Variants in CUX2 observed in about 807,000 individuals in gnomAD.
CUX2 encodes the protein cut like homeobox 2.
CUX2 carries 40 observed loss-of-function variants against 144.8 expected under a neutral mutation model. The observed-to-expected ratio is 0.28, with a 90% CI of 0.21 to 0.36. The LOEUF (loss-of-function observed/expected upper bound fraction) is 0.36. CUX2 is among the 10% of genes least tolerant of loss of function. The pLI is 1.00. For missense variants in CUX2, 1,615 were observed against 1,994.0 expected, an observed-to-expected ratio of 0.81 and a Z score of 3.62; for synonymous variants, 827 against 875.6, an observed-to-expected ratio of 0.94 and a Z score of 0.98.
At chr12:111,301,773 G>A (rs1484306530) in intron 9 of CUX2, among the ~76,000 whole-genome samples, 2 of 152,196 alleles carry the variant, frequency 1.3e-5, no homozygotes, top group Admixed American at 6.5e-5. Context: ...TTATAGGCAT[G>A]AGCCACCATG....
intron 1 of CUX2, among the ~76,000 whole-genome samples, chr12:111,166,658 T>G (rs1008399601): frequency 6.6e-6 from 1 of 152,192 alleles, no homozygotes; most frequent in Non-Finnish European, 1.5e-5. Context: ...GCATTTTGAC[T>G]GTAGAGTCTG....
At chr12:111,213,394 G>A (rs1157404761) in intron 1 of CUX2, among the ~76,000 whole-genome samples, 6 of 152,200 alleles carry the variant, frequency 3.9e-5, no homozygotes, top group African/African-American at 1.4e-4. Flanking sequence ...ACGACCAGCA[G>A]ACATTGTCTG....
chr12:111,139,242 T>C (rs1876131892), intron 1 of CUX2, among the ~76,000 whole-genome samples: 1 of 152,050 alleles, frequency 6.6e-6, no homozygotes, highest in South Asian at 2.1e-4. Flanking sequence ...AGGTTTCATG[T>C]AACTGGAGGC....
At chr12:111,201,476 G>C (rs895468147) in intron 1 of CUX2, among the ~76,000 whole-genome samples, 4 of 152,126 alleles carry the variant, frequency 2.6e-5, no homozygotes, top group African/African-American at 9.7e-5. Flanking sequence ...CATGCCCACA[G>C]CTCCCTCCTC....
intron 1 of CUX2, among the ~76,000 whole-genome samples, chr12:111,076,311 A>C (rs1320969453): frequency 2.0e-5 from 3 of 152,248 alleles, no homozygotes. Flanking sequence ...CAATATTAAC[A>C]ATGGAAACAA....
chr12:111,122,935 G>A (rs772890732), intron 1 of CUX2, among the ~76,000 whole-genome samples: 2 of 152,174 alleles, frequency 1.3e-5, no homozygotes, highest in East Asian at 1.9e-4. Flanking sequence ...GTTATGCATC[G>A]GCTTTGATAT....
intron 1 of CUX2, among the ~76,000 whole-genome samples, chr12:111,085,262 GC>G (rs1411477818): frequency 6.6e-6 from 1 of 152,208 alleles, no homozygotes; most frequent in Non-Finnish European, 1.5e-5. Flanking sequence ...TCCATGGGCA[GC>G]TTAACATCAG....
At chr12:111,156,985 C>CAAAAAAAAA (rs1200398908) in intron 1 of CUX2, among the ~76,000 whole-genome samples, 6 of 18,980 alleles carry the variant, frequency 3.2e-4, no homozygotes, top group East Asian at 2.0e-3. Context: ...AAACTTCTCT[C>CAAAAAAAAA]AAAAAAAAAA....
chr12:111,100,813 C>T (rs776922503), intron 1 of CUX2, among the ~76,000 whole-genome samples: 4 of 152,176 alleles, frequency 2.6e-5, no homozygotes, highest in Non-Finnish European at 4.4e-5. Flanking sequence ...GCACATGTTG[C>T]ATGTGTTGCA....
chr12:111,158,236 T>C (rs1230775633), intron 1 of CUX2, among the ~76,000 whole-genome samples: 2 of 151,348 alleles, frequency 1.3e-5, no homozygotes, highest in African/African-American at 4.9e-5. Context: ...ATGGGTGGGG[T>C]GTGGAGAGCA....
At chr12:111,195,032 C>A (rs1369028412) in intron 1 of CUX2, among the ~76,000 whole-genome samples, 1 of 152,220 alleles carries the variant, frequency 6.6e-6, no homozygotes, top group Non-Finnish European at 1.5e-5. Flanking sequence ...AAACTCCTAT[C>A]CCTTAAGCAG....
At chr12:111,301,185 C>A (rs946821421) in intron 9 of CUX2, among the ~76,000 whole-genome samples, 1 of 152,160 alleles carries the variant, frequency 6.6e-6, no homozygotes, top group African/African-American at 2.4e-5. Context: ...TTTTTAATCT[C>A]TGTATTTATT....
chr12:111,227,443 C>T (rs751810749), intron 3 of CUX2, among the ~76,000 whole-genome samples: 3 of 152,118 alleles, frequency 2.0e-5, no homozygotes, highest in Non-Finnish European at 4.4e-5. Context: ...TGGCAGGATT[C>T]GGTGCAGATC....
chr12:111,070,823 T>G (rs927508124), intron 1 of CUX2, among the ~76,000 whole-genome samples: 1 of 152,232 alleles, frequency 6.6e-6, no homozygotes, highest in African/African-American at 2.4e-5. Flanking sequence ...TCCATAGTTT[T>G]GCCTTTTCCA....
chr12:111,342,402 GC>G (rs1466039351), intron 21 of CUX2, among the ~76,000 whole-genome samples: 1 of 151,916 alleles, frequency 6.6e-6, no homozygotes, highest in Non-Finnish European at 1.5e-5. Flanking sequence ...GGTCACTTAA[GC>G]CCAGGAGGCG....
intron 1 of CUX2, among the ~76,000 whole-genome samples, chr12:111,163,241 TGTTA>T (rs897964031): frequency 6.6e-6 from 1 of 152,136 alleles, no homozygotes; most frequent in African/African-American, 2.4e-5. Context: ...ACTTGGAGGC[TGTTA>T]GTTAAGTATT....
chr12:111,087,201 AAC>A (rs371349764), intron 1 of CUX2, among the ~76,000 whole-genome samples: 5 of 151,196 alleles, frequency 3.3e-5, no homozygotes, highest in Non-Finnish European at 4.4e-5. Flanking sequence ...ACCAAAAATA[AAC>A]ACACACACAC....
rs529586091 is a variant in CUX2 at position 111,160,207 on chromosome 12, C to T, written c.64-53993C>T. Among the ~76,000 whole-genome samples the T allele has an allele frequency of 6.6e-6, 1 of 152,242 alleles. No homozygotes were observed. The highest frequency in any genetic ancestry group is 2.1e-4 in the South Asian group (1 of 4,820). ...CTAGGGGGACATTTGCTAAGCATGT[C>T]AACAAGTTGTGATAGAAGAATTACA... On this transcript the variant is annotated intron_variant, in intron 1 of 21. Transcript: ENST00000261726. The surrounding 1 kb of genome is among the most constrained non-coding windows in gnomAD (Gnocchi z 4.1).
rs549753118 is a variant in CUX2, at chr12:111,061,821, C to T, written c.63+27581C>T. Among the ~76,000 whole-genome samples the T allele has an allele frequency of 6.6e-6, 1 of 152,204 alleles. No homozygotes were observed. Among genetic ancestry groups the T allele is most frequent in the East Asian group, 1.9e-4 (1 of 5,182 alleles). ...GTGCTTCCAGTTTTATGTACTTGGCCTTGTTCTCAGCAGGCAGGGATGTGG... is the reference window on the plus strand; with the variant it reads ...GTGCTTCCAGTTTTATGTACTTGGCTTTGTTCTCAGCAGGCAGGGATGTGG... On this transcript the variant is annotated intron_variant, in intron 1 of 21. Coordinates refer to ENST00000261726, the MANE Select transcript of CUX2 (RefSeq NM_015267.4). This position sits in a 1 kb window ranked among gnomAD's most constrained non-coding sequence, Gnocchi z 4.2.
Sources: allele counts gnomAD v4.1 joint callset (sites outside exome capture counted in the v4.1 genomes callset), GRCh38; gene constraint gnomAD v4.1.1; non-coding constraint Gnocchi (gnomAD v3.1); transcripts MANE v1.5; gene names NCBI Gene and HGNC (gene_info 2026-07-23, HGNC 2026-07-21).